PHACTR2: variants seen among roughly 807,000 people sequenced by gnomAD.
PHACTR2 encodes chromosome 6 open reading frame 56.
PHACTR2 carries 30 observed loss-of-function variants against 76.0 expected under a neutral mutation model. That is an observed-to-expected ratio of 0.39 (90% CI 0.30 to 0.54). PHACTR2 has a LOEUF of 0.54. PHACTR2 is among the 20% of genes least tolerant of loss of function. The probability of loss-of-function intolerance (pLI) is 0.61; values close to 1 mark genes in which losing one functional copy is unlikely to be tolerated. For synonymous variants in PHACTR2, 292 were observed against 292.5 expected (o/e 1.00, Z 0.02); for missense variants, 696 against 781.1 (o/e 0.89, Z 1.30).
At position 143,562,268 on chromosome 6, in the gene PHACTR2, G is replaced by T. The variant is rs112907372; in HGVS notation, c.217+25061G>T. ...GTTTAATTAGCTCACAGTTCTGCAG[G>T]CTGTACAGGAAGCACGGTGCTGGCA... On this transcript the variant is annotated intron_variant, in intron 1 of 11. Transcript: ENST00000367584. The surrounding 1 kb of genome is among the most constrained non-coding windows in gnomAD (Gnocchi z 5.1). Among the ~76,000 whole-genome samples the T allele has an allele frequency of 0.026, 3,965 of 152,218 alleles. 170 individuals are homozygous for T. The highest frequency in any genetic ancestry group is 0.091 in the African/African-American group (3,770 of 41,500).
chr6:143,811,512 A>T lies in PHACTR2; in HGVS notation c.1922+4379A>T, dbSNP rs1776174012. Among the ~76,000 whole-genome samples, 2 of 152,236 alleles carry T rather than the reference A, an allele frequency of 1.3e-5. No individual in the cohort carries two copies. Among genetic ancestry groups the T allele is most frequent in the South Asian group, 4.1e-4 (2 of 4,830 alleles). ...AATATATAAGCTTTCAGGGAGAGTAACAGCTAATATCAAGGGTAAATTTTA... is the reference window on the plus strand; with the variant it reads ...AATATATAAGCTTTCAGGGAGAGTATCAGCTAATATCAAGGGTAAATTTTA... On this transcript the variant is annotated intron_variant, in intron 12 of 12. Transcript: ENST00000440869. This position sits in a 1 kb window ranked among gnomAD's most constrained non-coding sequence, Gnocchi z 4.1.
intron 6 of PHACTR2, among the ~76,000 whole-genome samples, chr6:143,771,162 A>ATTTG (rs1562300661): frequency 2.9e-5 from 1 of 34,660 alleles, no homozygotes; most frequent in African/African-American, 1.7e-4. Flanking sequence ...ATATATGTAT[A>ATTTG]TATATATATA....
rs1776650718 is a variant in PHACTR2 at position 143,830,747 on chromosome 6, T to G, written c.*7058T>G. Reference sequence around the variant, plus strand: ...CAATTCCAAGTGCCTTAGAACATTGTTTAGCTTTCCTAAGTATATATAAAT... The same window carrying G: ...CAATTCCAAGTGCCTTAGAACATTGGTTAGCTTTCCTAAGTATATATAAAT... On this transcript the variant is annotated 3_prime_UTR_variant, in exon 13 of 13. Coordinates refer to ENST00000440869, the MANE Select transcript of PHACTR2 (RefSeq NM_001100164.2). The G allele has an allele frequency of 6.6e-6, 1 of 152,240 alleles. No individual in the cohort carries two copies. The highest frequency in any genetic ancestry group is 2.1e-4 in the South Asian group (1 of 4,836). The allele number at this position is 152,240 out of a possible 1,614,324, so 9.4% of individuals were successfully genotyped here.
Position 143,659,517 on chromosome 6 carries a change from C to T in PHACTR2, c.13+51195C>T. 6.6e-6 allele frequency among the ~76,000 whole-genome samples: 1 copy of T among 152,338 alleles called. No homozygotes were observed. The highest frequency in any genetic ancestry group is 1.9e-4 in the East Asian group (1 of 5,186). ...CTTGCAGAATGCCAGACTGAGGGCT[C>T]AGTTTCTTGCTGGCTGTGAGTGGGA... is the stretch of plus-strand genomic sequence containing the variant. On this transcript the variant is annotated intron_variant, in intron 1 of 11. Transcript: ENST00000305766. The surrounding 1 kb of genome is among the most constrained non-coding windows in gnomAD (Gnocchi z 5.0).
chr6:143,613,997 C>T (rs1776021785), intron 1 of PHACTR2, among the ~76,000 whole-genome samples: 2 of 152,106 alleles, frequency 1.3e-5, no homozygotes, highest in African/African-American at 2.4e-5. Context: ...CCAAGGCAGG[C>T]AGATCACAAG....
intron 1 of PHACTR2, among the ~76,000 whole-genome samples, chr6:143,540,739 A>G (rs9496659): frequency 6.6e-6 from 1 of 152,166 alleles, no homozygotes; most frequent in African/African-American, 2.4e-5. Flanking sequence ...ATATTTCAAA[A>G]TCTATACAAA....
rs1471605227 is a variant in PHACTR2 at position 143,777,962 on chromosome 6, T to C, written c.1645+579T>C. Among the ~76,000 whole-genome samples, 3 of 152,258 alleles carry C rather than the reference T, an allele frequency of 2.0e-5. No homozygotes were observed. Among genetic ancestry groups the C allele is most frequent in the Non-Finnish European group, 4.4e-5 (3 of 68,048 alleles). ...TCCCATTCTGTTTTTCCCTCTGTTC[T>C]CTTTGACTTTAGTTTTTACTCATCC... On this transcript the variant is annotated intron_variant, in intron 9 of 12. Coordinates refer to ENST00000440869, the MANE Select transcript of PHACTR2 (RefSeq NM_001100164.2). The surrounding 1 kb of genome is among the most constrained non-coding windows in gnomAD (Gnocchi z 4.6).
chr6:143,686,657 T>G (rs1777534018), intron 1 of PHACTR2, among the ~76,000 whole-genome samples: 1 of 151,994 alleles, frequency 6.6e-6, no homozygotes, highest in South Asian at 2.1e-4. Context: ...CCAGCTAATT[T>G]TTGTATTTTA....
intron 1 of PHACTR2, among the ~76,000 whole-genome samples, chr6:143,691,416 A>T (rs1777640575): frequency 6.6e-6 from 1 of 152,202 alleles, no homozygotes; most frequent in Non-Finnish European, 1.5e-5. Context: ...TGGGTCATTC[A>T]TATTTACTGT....
chr6:143,708,879 GGAGA>G lies in PHACTR2; in HGVS notation c.47-3134_47-3131del. The stretch of plus-strand genomic sequence containing the variant: ...ATCAGGGAACTGGATATGTGGATTG[GGAGA>G]GAAAGATCCCATGTATTGTAAGAAA... On this transcript the variant is annotated intron_variant, in intron 1 of 12. Coordinates refer to ENST00000440869, the MANE Select transcript of PHACTR2 (RefSeq NM_001100164.2). This position sits in a 1 kb window ranked among gnomAD's most constrained non-coding sequence, Gnocchi z 5.5. 6.6e-6 allele frequency among the ~76,000 whole-genome samples: 1 copy of G among 152,180 alleles called. No homozygotes were observed.
In PHACTR2 at chr6:143,616,327, C is replaced by G. The variant is rs1776058860; in HGVS notation, c.13+8005C>G. 6.6e-6 allele frequency among the ~76,000 whole-genome samples: 1 copy of G among 152,122 alleles called. No homozygotes were observed. Among genetic ancestry groups the G allele is most frequent in the Non-Finnish European group, 1.5e-5 (1 of 68,030 alleles). On this transcript the variant is annotated intron_variant, in intron 1 of 11. Transcript: ENST00000305766. This position sits in a 1 kb window ranked among gnomAD's most constrained non-coding sequence, Gnocchi z 4.9. ...TTCAGTCCTGGCACAGCATTTATAC[C>G]TTTACAGGTGTCAAGTTCAAATCCT...
At chr6:143,814,722 C>T (rs187417088) in intron 12 of PHACTR2, among the ~76,000 whole-genome samples, 62 of 151,874 alleles carry the variant, frequency 4.1e-4, no homozygotes, top group Admixed American at 4.1e-3. Context: ...CCTGCCTCAG[C>T]CTCCCAAATA....
At chr6:143,612,519 C>T (rs1412326098) in intron 1 of PHACTR2, among the ~76,000 whole-genome samples, 1 of 152,084 alleles carries the variant, frequency 6.6e-6, no homozygotes, top group Non-Finnish European at 1.5e-5. Context: ...AATTTTGTTT[C>T]CTCTAATCCT....
intron 1 of PHACTR2, among the ~76,000 whole-genome samples, chr6:143,692,258 T>G (rs1470545536): frequency 6.6e-6 from 1 of 152,196 alleles, no homozygotes; most frequent in Non-Finnish European, 1.5e-5. Context: ...TCATCTATTA[T>G]AAAGGGATTT....
intron 2 of PHACTR2, among the ~76,000 whole-genome samples, chr6:143,726,137 G>GA (rs1378448630): frequency 6.6e-6 from 1 of 152,178 alleles, no homozygotes; most frequent in African/African-American, 2.4e-5. Context: ...GGATCTTGGG[G>GA]TCATATGTTA....
intron 1 of PHACTR2, among the ~76,000 whole-genome samples, chr6:143,704,443 C>T (rs992367563): frequency 1.3e-5 from 2 of 152,188 alleles, no homozygotes; most frequent in African/African-American, 4.8e-5. Flanking sequence ...CAGTAGGCAC[C>T]GAGGCCCCTT....
chr6:143,712,698 G>C (rs1778206147), intron 2 of PHACTR2, among the ~76,000 whole-genome samples: 1 of 152,094 alleles, frequency 6.6e-6, no homozygotes, highest in South Asian at 2.1e-4. Context: ...CTTTAGGAAA[G>C]ATTTTAGTGG....
chr6:143,655,960 T>G (rs1301580820), intron 1 of PHACTR2, among the ~76,000 whole-genome samples: 1 of 152,210 alleles, frequency 6.6e-6, no homozygotes, highest in Non-Finnish European at 1.5e-5. Flanking sequence ...TTCTCCTAGT[T>G]GATGGCAAAA....
At chr6:143,690,591 C>T (rs73577968) in intron 1 of PHACTR2, among the ~76,000 whole-genome samples, 4,670 of 152,274 alleles carry the variant, frequency 0.031, 211 homozygotes, top group African/African-American at 0.11. Flanking sequence ...GCAGTATGCA[C>T]AAACACTGCC....
Sources: gnomAD v4.1 joint callset for allele counts (sites outside exome capture counted in the v4.1 genomes callset) on GRCh38, gnomAD v4.1.1 for gene constraint, Gnocchi (gnomAD v3.1) non-coding constraint, MANE v1.5 for transcripts, NCBI Gene and HGNC (gene_info 2026-07-23, HGNC 2026-07-21) for gene names.